Variants in TBC1D1 observed in about 807,000 individuals in gnomAD.
TBC1D1 encodes TBC1 domain family member 1.
In TBC1D1, 89 loss-of-function variants were observed where a neutral mutation model predicts 125.6. That is an observed-to-expected ratio of 0.71 (90% CI 0.60 to 0.85). The LOEUF is 0.85. Ranked by LOEUF, TBC1D1 falls within the 40% of genes least tolerant of loss-of-function variation. TBC1D1 has a pLI of 0.00. For synonymous variants in TBC1D1, 565 were observed against 564.1 expected, an observed-to-expected ratio of 1.00 and a Z score of -0.02; for missense variants, 1,377 against 1,469.2, an observed-to-expected ratio of 0.94 and a Z score of 1.03.
rs117988070 is a variant in TBC1D1 at position 38,107,133 on chromosome 4, C to G, written c.2557+3976C>G. Among the ~76,000 whole-genome samples, 214 of 152,358 alleles carry G rather than the reference C, an allele frequency of 1.4e-3. 4 individuals carry two copies. The East Asian group carries it at 0.034, about 24-fold the overall frequency. On this transcript the variant is annotated intron_variant, in intron 15 of 19. Coordinates refer to ENST00000261439, the MANE Select transcript of TBC1D1 (RefSeq NM_015173.4). ...CATTTCCCAGGTCACCTCTGTGTCT[C>G]TCTCCAGGCTTTTTCCAGGGACTCC...
rs542244786 is a variant in TBC1D1 at position 38,031,870 on chromosome 4, T to G, written c.1303-3718T>G. Among the ~76,000 whole-genome samples the G allele has an allele frequency of 2.0e-5, 3 of 152,386 alleles. No homozygotes were observed. The East Asian group carries it at 5.8e-4, about 29-fold the overall frequency. On this transcript the variant is annotated intron_variant, in intron 7 of 19. Coordinates refer to ENST00000261439, the MANE Select transcript of TBC1D1 (RefSeq NM_015173.4). Reference sequence around the variant, plus strand: ...TAAGAAACATGTAACTAATTTAGTTTTGTTACTTTTAACAGGCGATTAATT... The same window carrying G: ...TAAGAAACATGTAACTAATTTAGTTGTGTTACTTTTAACAGGCGATTAATT...
chr4:37,990,752 T>C (rs1736377510), intron 2 of TBC1D1, among the ~76,000 whole-genome samples: 1 of 152,194 alleles, frequency 6.6e-6, no homozygotes. Context: ...TGAAAGAACA[T>C]CGTACCAAAG....
intron 2 of TBC1D1, among the ~76,000 whole-genome samples, chr4:38,001,742 T>C (rs1739136675): frequency 6.6e-6 from 1 of 152,252 alleles, no homozygotes; most frequent in South Asian, 2.1e-4. Flanking sequence ...CAAATAGTTC[T>C]TATTATATCG....
intron 7 of TBC1D1, among the ~76,000 whole-genome samples, chr4:38,028,130 C>CAAACAAAAA (rs1553921317): frequency 6.7e-6 from 1 of 150,250 alleles, no homozygotes; most frequent in African/African-American, 2.5e-5. Context: ...AACAAACAAA[C>CAAACAAAAA]AAAAAAAACA....
intron 7 of TBC1D1, among the ~76,000 whole-genome samples, chr4:38,034,872 T>C (rs1406479928): frequency 2.6e-5 from 4 of 152,188 alleles, no homozygotes; most frequent in African/African-American, 9.7e-5. Context: ...GCATTTCAAA[T>C]CCAAAGCATT....
intron 2 of TBC1D1, among the ~76,000 whole-genome samples, chr4:37,961,726 A>G (rs6845381): frequency 0.63 from 95,546 of 152,040 alleles, 30,871 homozygotes; most frequent in East Asian, 0.96. Flanking sequence ...ACTGAAAGTG[A>G]GTGGTGGTTA....
At chr4:37,955,495 A>G (rs957355064) in intron 2 of TBC1D1, among the ~76,000 whole-genome samples, 1 of 152,214 alleles carries the variant, frequency 6.6e-6, no homozygotes, top group African/African-American at 2.4e-5. Flanking sequence ...ATACTACTCA[A>G]TACAGTGTAA....
chr4:37,924,861 C>T (rs1721733505), intron 2 of TBC1D1, among the ~76,000 whole-genome samples: 1 of 152,198 alleles, frequency 6.6e-6, no homozygotes, highest in African/African-American at 2.4e-5. Flanking sequence ...GTTTGAGTCC[C>T]TGCTTTCAAT....
At chr4:37,891,710 T>G (rs755266856) in intron 1 of TBC1D1, among the ~76,000 whole-genome samples, 6 of 123,020 alleles carry the variant, frequency 4.9e-5, no homozygotes, top group Non-Finnish European at 9.4e-5. Context: ...TTGGAAAGAG[T>G]GTGGTCAGAG....
At chr4:37,913,587 G>A (rs1186408153) in intron 2 of TBC1D1, among the ~76,000 whole-genome samples, 1 of 151,104 alleles carries the variant, frequency 6.6e-6, no homozygotes, top group Admixed American at 6.6e-5. Flanking sequence ...CAACAAGAGT[G>A]AAACTCCATC....
At chr4:37,961,153 C>A in intron 2 of TBC1D1, 2 of 1,143,558 alleles carry the variant, frequency 1.7e-6, no homozygotes, top group Non-Finnish European at 2.5e-6. Flanking sequence ...TCTTTATGTG[C>A]ATCTGTCTCA....
intron 18 of TBC1D1, among the ~76,000 whole-genome samples, chr4:38,130,812 A>G (rs1314347056): frequency 1.3e-5 from 2 of 152,186 alleles, no homozygotes; most frequent in Non-Finnish European, 2.9e-5. Flanking sequence ...CGTCTGTTTT[A>G]TTCATCTGAG....
At chr4:37,891,579 G>T (rs10030061) in intron 1 of TBC1D1, among the ~76,000 whole-genome samples, 298 of 120,226 alleles carry the variant, frequency 2.5e-3, no homozygotes, top group African/African-American at 9.6e-3. Flanking sequence ...AAACCTTAAT[G>T]TTGCTAGCGA....
Position 38,115,910 on chromosome 4 carries a change from A to G in TBC1D1, c.2758A>G (p.Met920Val), listed in dbSNP as rs766479539. Residue 920 changes from methionine (M) to valine (V), a missense_variant, in exon 16 of 20, where the codon ATG (methionine) becomes GTG (valine). Transcript: ENST00000261439. ...AATGCTCAAGTTTCTGATGTTTGAC[A>G]TGGGGCTGCGGAAACAGTATCGGCC... The G allele has an allele frequency of 7.5e-5, 121 of 1,614,110 alleles. No homozygotes were observed. The highest frequency in any genetic ancestry group is 1.0e-4 in the Non-Finnish European group (119 of 1,180,042).
rs746844362 is a variant in TBC1D1, at chr4:37,902,351, G to C, written c.256G>C (p.Asp86His). The C allele has an allele frequency of 1.4e-5, 23 of 1,614,154 alleles. No homozygotes were observed. The highest frequency in any genetic ancestry group is 1.9e-5 in the Non-Finnish European group (23 of 1,180,036). ...TGAGCCAGGGAGAAGTCAACAGTGG[G>C]ATCCCCTGATCTATTCCAGCATCTT... The change falls in exon 2 of 20, where the codon GAT (aspartate) becomes CAT (histidine). Residue 86 changes from aspartate (D) to histidine (H), a missense_variant. By Grantham distance (81) the Asp-to-His change is moderately conservative. Transcript: ENST00000261439.
intron 2 of TBC1D1, among the ~76,000 whole-genome samples, chr4:37,933,433 TACACACACACACACAC>T (rs3038289): frequency 2.0e-4 from 30 of 147,364 alleles, no homozygotes; most frequent in African/African-American, 5.8e-4. Flanking sequence ...ACATATGTTT[TACACACACACACACAC>T]ACACACACAC....
intron 2 of TBC1D1, among the ~76,000 whole-genome samples, chr4:37,932,578 T>A (rs144375936): frequency 1.3e-3 from 195 of 152,306 alleles, no homozygotes; most frequent in South Asian, 5.0e-3. Context: ...CTGAATTGTG[T>A]CATTTCAGAG....
chr4:37,943,784 C>T (rs1056982305), intron 2 of TBC1D1, among the ~76,000 whole-genome samples: 10 of 152,202 alleles, frequency 6.6e-5, no homozygotes, highest in African/African-American at 2.4e-4. Flanking sequence ...GTTCAAACTT[C>T]CCCCTTTAGC....
intron 15 of TBC1D1, chr4:38,111,796 T>C (rs1427464410): frequency 3.8e-5 from 11 of 292,556 alleles, no homozygotes; most frequent in African/African-American, 6.8e-5. Context: ...AGGAAAACAG[T>C]GTCTCCCCCA....
Sources: allele counts gnomAD v4.1 joint callset (sites outside exome capture counted in the v4.1 genomes callset), GRCh38; gene constraint gnomAD v4.1.1; transcripts MANE v1.5; gene names NCBI Gene and HGNC (gene_info 2026-07-23, HGNC 2026-07-21).